Variants in POU6F2 observed in about 807,000 individuals in gnomAD.
The protein encoded by POU6F2 is POU domain, class 6, transcription factor 2.
Under a neutral mutation model 71.3 loss-of-function variants are expected in POU6F2, and 31 were observed. That is an observed-to-expected ratio of 0.43 (90% CI 0.33 to 0.59). POU6F2 has a LOEUF of 0.59. POU6F2 is among the 20% of genes least tolerant of loss of function. POU6F2 has a pLI of 0.04. For synonymous variants in POU6F2, 347 were observed against 355.7 expected (o/e 0.98, Z 0.27); for missense variants, 783 against 856.8 (o/e 0.91, Z 1.07).
intron 2 of POU6F2, among the ~76,000 whole-genome samples, chr7:39,088,589 A>G (rs1350261371): frequency 6.6e-6 from 1 of 152,170 alleles, no homozygotes; most frequent in Non-Finnish European, 1.5e-5. Context: ...ATTTTCTAAC[A>G]TACTTTCTTT....
Position 39,464,489 on chromosome 7 carries a change from G to T in POU6F2, c.1966G>T (p.Glu656Ter). 1 of 1,613,838 alleles carries T rather than the reference G, an allele frequency of 6.2e-7. No individual in the cohort carries two copies. The highest frequency in any genetic ancestry group is 8.5e-7 in the Non-Finnish European group (1 of 1,179,832). ...QALEILNAHFEKNTHPSGQEM... is the reference protein window; with the variant it reads ...QALEILNAHF The stretch of plus-strand genomic sequence containing the variant: ...CCTTGAGATCCTCAATGCCCACTTT[G>T]AGAAGAACACACACCCTTCTGGGCA... Residue 656 changes from glutamate (E) to a stop codon, truncating the protein, a stop_gained, in exon 10 of 10, where the codon GAG becomes TAG. Coordinates refer to ENST00000518318, the MANE Select transcript of POU6F2 (RefSeq NM_001370959.1). LOFTEE classifies it high-confidence loss of function. The surrounding 1 kb of genome is among the most constrained non-coding windows in gnomAD (Gnocchi z 4.1).
intron 5 of POU6F2, among the ~76,000 whole-genome samples, chr7:39,374,048 T>C (rs933127859): frequency 6.6e-6 from 1 of 152,242 alleles, no homozygotes; most frequent in Non-Finnish European, 1.5e-5. Context: ...TGAACTTATA[T>C]GTCAAACACT....
intron 4 of POU6F2, among the ~76,000 whole-genome samples, chr7:39,283,899 A>T (rs1784608203): frequency 2.0e-5 from 3 of 152,264 alleles, no homozygotes; most frequent in Non-Finnish European, 4.4e-5. Flanking sequence ...GCATTATTAA[A>T]TTATTGCAGA....
chr7:39,135,729 G>T (rs947369580), intron 2 of POU6F2, among the ~76,000 whole-genome samples: 2 of 152,032 alleles, frequency 1.3e-5, no homozygotes, highest in African/African-American at 4.8e-5. Context: ...GCAGAGAAAA[G>T]AAATGAATTC....
chr7:39,450,032 T>A (rs1280938475), intron 7 of POU6F2, among the ~76,000 whole-genome samples: 1 of 152,170 alleles, frequency 6.6e-6, no homozygotes, highest in Non-Finnish European at 1.5e-5. Context: ...ATCGTGGTGG[T>A]TTCACGTGTG....
chr7:39,287,395 A>C (rs1375262199), intron 4 of POU6F2, among the ~76,000 whole-genome samples: 1 of 152,130 alleles, frequency 6.6e-6, no homozygotes, highest in Non-Finnish European at 1.5e-5. Flanking sequence ...GCTTTAATGC[A>C]CAACGCCTTA....
chr7:39,143,132 T>C (rs1432789481), intron 2 of POU6F2, among the ~76,000 whole-genome samples: 6 of 152,230 alleles, frequency 3.9e-5, no homozygotes, highest in Non-Finnish European at 7.3e-5. Context: ...GCAATGAGGA[T>C]ATTATGCATC....
At chr7:39,175,173 C>G (rs1793303740) in intron 2 of POU6F2, among the ~76,000 whole-genome samples, 1 of 151,968 alleles carries the variant, frequency 6.6e-6, no homozygotes, top group Non-Finnish European at 1.5e-5. Context: ...TTTCTTATAC[C>G]TTCACTCCTT....
intron 4 of POU6F2, among the ~76,000 whole-genome samples, chr7:39,273,530 T>C (rs28397895): frequency 0.27 from 41,089 of 152,018 alleles, 6,452 homozygotes; most frequent in African/African-American, 0.42. Context: ...ATGAAAAACA[T>C]AGAAAGACTG....
chr7:39,157,881 A>G (rs1421162971), intron 2 of POU6F2, among the ~76,000 whole-genome samples: 1 of 152,206 alleles, frequency 6.6e-6, no homozygotes, highest in Non-Finnish European at 1.5e-5. Flanking sequence ...TGGGGCCTAT[A>G]ATAAAGCAGT....
intron 2 of POU6F2, among the ~76,000 whole-genome samples, chr7:39,202,157 G>GTAAT (rs1793918469): frequency 6.6e-6 from 1 of 152,196 alleles, no homozygotes; most frequent in Admixed American, 6.5e-5. Flanking sequence ...GTAAGCAAAT[G>GTAAT]TAATCTGTGT....
chr7:39,200,313 C>T (rs1445693317), intron 2 of POU6F2, among the ~76,000 whole-genome samples: 4 of 152,166 alleles, frequency 2.6e-5, no homozygotes, highest in Non-Finnish European at 1.5e-5. Flanking sequence ...TGTCAGTAGC[C>T]TCATGAGGGA....
At chr7:39,391,017 T>C (rs529626845) in intron 5 of POU6F2, among the ~76,000 whole-genome samples, 3 of 152,160 alleles carry the variant, frequency 2.0e-5, no homozygotes, top group Admixed American at 6.5e-5. Flanking sequence ...AAACACACCT[T>C]GAGGATTGCT....
chr7:39,183,296 A>C (rs1321198265), intron 2 of POU6F2, among the ~76,000 whole-genome samples: 5 of 152,122 alleles, frequency 3.3e-5, no homozygotes, highest in Non-Finnish European at 5.9e-5. Context: ...ACTACCTGAT[A>C]CTGGGTAATT....
intron 1 of POU6F2, among the ~76,000 whole-genome samples, chr7:38,990,552 C>T (rs1173242899): frequency 6.6e-6 from 1 of 152,114 alleles, no homozygotes; most frequent in East Asian, 1.9e-4. Context: ...GGTTAGAAAA[C>T]AAAATGCTGA....
chr7:39,420,893 A>C (rs904633454), intron 6 of POU6F2, among the ~76,000 whole-genome samples: 1 of 152,232 alleles, frequency 6.6e-6, no homozygotes, highest in Non-Finnish European at 1.5e-5. Context: ...AGCTTAAAAC[A>C]GGACAGTCAG....
intron 1 of POU6F2, among the ~76,000 whole-genome samples, chr7:39,051,498 A>T (rs1386337379): frequency 6.6e-6 from 1 of 152,170 alleles, no homozygotes; most frequent in Non-Finnish European, 1.5e-5. Flanking sequence ...CACTTGAGGA[A>T]TGATTACATT....
intron 2 of POU6F2, among the ~76,000 whole-genome samples, chr7:39,185,899 G>A (rs13308441): frequency 1.4e-5 from 2 of 145,072 alleles, no homozygotes; most frequent in African/African-American, 5.1e-5. Flanking sequence ...ATATGTATAT[G>A]TATATATATG....
intron 4 of POU6F2, among the ~76,000 whole-genome samples, chr7:39,336,060 A>G (rs1785769716): frequency 6.6e-6 from 1 of 152,364 alleles, no homozygotes; most frequent in East Asian, 1.9e-4. Context: ...TTCCCAGGGC[A>G]ATGTAACTTG....
Sources: allele counts gnomAD v4.1 joint callset (sites outside exome capture counted in the v4.1 genomes callset), GRCh38; gene constraint gnomAD v4.1.1; non-coding constraint Gnocchi (gnomAD v3.1); transcripts MANE v1.5; gene names NCBI Gene and HGNC (gene_info 2026-07-23, HGNC 2026-07-21).